The following OLFM3 variants were observed in gnomAD, a reference collection of about 807,000 sequenced individuals.
OLFM3 encodes the protein olfactomedin 3, also known as noelin-3.
OLFM3 carries 20 observed loss-of-function variants against 48.6 expected under a neutral mutation model. The observed-to-expected ratio is 0.41, with a 90% confidence interval of 0.29 to 0.60. The LOEUF is 0.60. OLFM3 is among the 20% of genes least tolerant of loss of function. The pLI, the probability that OLFM3 is intolerant of heterozygous loss-of-function variation, is 0.28. For missense variants in OLFM3, 437 were observed against 544.3 expected (o/e 0.80, Z 1.96); for synonymous variants, 222 against 198.1 (o/e 1.12, Z -1.01).
intron 1 of OLFM3, among the ~76,000 whole-genome samples, chr1:101,845,306 T>C (rs1003090685): frequency 1.3e-5 from 2 of 152,148 alleles, no homozygotes; most frequent in East Asian, 3.8e-4. Context: ...TAAGTAAAGA[T>C]ATTTAATTTA....
At chr1:101,896,488 CTTTTTTTTTTTTTTT>C (rs35260761) in intron 1 of OLFM3, among the ~76,000 whole-genome samples, 1 of 76,686 alleles carries the variant, frequency 1.3e-5, no homozygotes, top group Non-Finnish European at 2.3e-5. Flanking sequence ...TGCTTACACA[CTTTTTTTTTTTTTTT>C]TTTTTTTTTG....
At chr1:101,867,159 G>A (rs575487043) in intron 1 of OLFM3, among the ~76,000 whole-genome samples, 2 of 152,240 alleles carry the variant, frequency 1.3e-5, no homozygotes, top group South Asian at 4.2e-4. Context: ...ATGAGTAATT[G>A]GTGTGGCCAA....
intron 1 of OLFM3, among the ~76,000 whole-genome samples, chr1:101,942,577 T>C (rs6669041): frequency 0.4 from 60,636 of 151,662 alleles, 12,344 homozygotes; most frequent in East Asian, 0.51. Context: ...CATTGTTATA[T>C]AGAACAGTAC....
At chr1:101,980,526 G>C (rs913085988) in intron 1 of OLFM3, among the ~76,000 whole-genome samples, 2 of 152,148 alleles carry the variant, frequency 1.3e-5, no homozygotes, top group African/African-American at 4.8e-5. Flanking sequence ...CTGCCACCCT[G>C]TGAAAAAGGT....
intron 1 of OLFM3, among the ~76,000 whole-genome samples, chr1:101,950,844 T>C (rs1660123314): frequency 6.6e-6 from 1 of 152,108 alleles, no homozygotes; most frequent in Non-Finnish European, 1.5e-5. Flanking sequence ...CTTACAAAAG[T>C]GCCAAGCTCG....
chr1:101,955,439 T>C lies in OLFM3; in HGVS notation c.69+41309A>G, dbSNP rs936284647. Among the ~76,000 whole-genome samples, 6 of 151,980 alleles carry C rather than the reference T, an allele frequency of 3.9e-5. No homozygotes were observed. In the South Asian group the frequency reaches 1.0e-3, roughly 26 times the overall value. ...TCTTGCTTTTTTGTGGACAAAACTT[T>C]AGCGTTTTAAACACCCTCATAAACA... On this transcript the variant is annotated intron_variant, in intron 1 of 5. Coordinates refer to ENST00000370103, the MANE Select transcript of OLFM3 (RefSeq NM_058170.4).
intron 1 of OLFM3, among the ~76,000 whole-genome samples, chr1:101,940,984 A>T (rs1374805453): frequency 6.6e-6 from 1 of 152,158 alleles, no homozygotes; most frequent in Non-Finnish European, 1.5e-5. Context: ...ACCCTGGGGA[A>T]CAATAGGCTG....
chr1:101,965,927 A>T (rs1660596098), intron 1 of OLFM3, among the ~76,000 whole-genome samples: 1 of 152,180 alleles, frequency 6.6e-6, no homozygotes, highest in African/African-American at 2.4e-5. Context: ...CAAAGACAGG[A>T]GGAAAATGAA....
At chr1:101,960,069 A>G (rs1354075804) in intron 1 of OLFM3, among the ~76,000 whole-genome samples, 2 of 152,096 alleles carry the variant, frequency 1.3e-5, no homozygotes, top group African/African-American at 2.4e-5. Flanking sequence ...CTGCAAAACT[A>G]TGTACTAAAA....
intron 1 of OLFM3, among the ~76,000 whole-genome samples, chr1:101,912,287 T>A (rs1658786034): frequency 6.6e-6 from 1 of 152,194 alleles, no homozygotes; most frequent in Non-Finnish European, 1.5e-5. Context: ...GCAAGGAGTT[T>A]AACACTTTAA....
chr1:101,825,350 A>C (rs757845971), intron 3 of OLFM3, 105 bp from the exon 4 acceptor site: 3 of 908,228 alleles, frequency 3.3e-6, no homozygotes, highest in African/African-American at 1.7e-5. Flanking sequence ...CAGCTTCAAC[A>C]TTTCTTATTG....
intron 2 of OLFM3, among the ~76,000 whole-genome samples, chr1:101,831,051 AG>A (rs1286722305): frequency 6.6e-6 from 1 of 152,268 alleles, no homozygotes; most frequent in African/African-American, 2.4e-5. Flanking sequence ...CGGGCATTCT[AG>A]CATTAGAACT....
intron 1 of OLFM3, among the ~76,000 whole-genome samples, chr1:101,895,967 T>C (rs1658183397): frequency 1.1e-5 from 1 of 91,672 alleles, no homozygotes; most frequent in African/African-American, 3.9e-5. Flanking sequence ...ATTTAAAACA[T>C]AGGTAATAAT....
intron 2 of OLFM3, among the ~76,000 whole-genome samples, chr1:101,832,916 G>A (rs576295405): frequency 1.7e-3 from 264 of 152,196 alleles, no homozygotes; most frequent in Non-Finnish European, 2.3e-3. Flanking sequence ...CGCCATTGTG[G>A]ATAAATGCAA....
At chr1:101,811,313 T>A (rs774351146) in intron 4 of OLFM3, among the ~76,000 whole-genome samples, 5 of 151,886 alleles carry the variant, frequency 3.3e-5, no homozygotes, top group Admixed American at 6.6e-5. Context: ...GACTTAACAT[T>A]TTAGATGGCC....
At chr1:101,959,888 G>T (rs1263455109) in intron 1 of OLFM3, among the ~76,000 whole-genome samples, 3 of 152,018 alleles carry the variant, frequency 2.0e-5, no homozygotes, top group Non-Finnish European at 4.4e-5. Context: ...ATGGCAAATG[G>T]ATTAAATATT....
chr1:101,928,970 C>T (rs1196753311), intron 1 of OLFM3, among the ~76,000 whole-genome samples: 3 of 152,070 alleles, frequency 2.0e-5, no homozygotes, highest in Non-Finnish European at 2.9e-5. Context: ...TACGGCTTCA[C>T]TTGAGAGCTG....
chr1:101,892,165 G>A (rs1390683991), intron 1 of OLFM3, among the ~76,000 whole-genome samples: 2 of 151,988 alleles, frequency 1.3e-5, no homozygotes, highest in Admixed American at 1.3e-4. Context: ...AAATGATTCT[G>A]CAATTTATTT....
At chr1:101,865,405 T>C (rs910088535) in intron 1 of OLFM3, among the ~76,000 whole-genome samples, 2 of 152,210 alleles carry the variant, frequency 1.3e-5, no homozygotes, top group East Asian at 1.9e-4. Context: ...AATCTAGCTA[T>C]TAGCACAAAC....
Sources: allele counts gnomAD v4.1 joint callset (sites outside exome capture counted in the v4.1 genomes callset), GRCh38; gene constraint gnomAD v4.1.1; transcripts MANE v1.5; gene names NCBI Gene and HGNC (gene_info 2026-07-23, HGNC 2026-07-21).